MCM3AP: variants seen among roughly 807,000 people sequenced by gnomAD.
MCM3AP encodes the protein germinal-center associated nuclear protein.
Under a neutral mutation model 184.1 loss-of-function variants are expected in MCM3AP, and 126 were observed. The observed-to-expected ratio is 0.68, with a 90% CI of 0.59 to 0.79. MCM3AP has a LOEUF of 0.79. Ranked by LOEUF, MCM3AP falls within the 30% of genes least tolerant of loss-of-function variation. The probability of loss-of-function intolerance (pLI) is 0.00; values close to 1 mark genes in which losing one functional copy is unlikely to be tolerated. For synonymous variants in MCM3AP, 1,002 were observed against 979.3 expected (o/e 1.02, Z -0.43); for missense variants, 2,496 against 2,479.2 (o/e 1.01, Z -0.14).
chr21:46,239,820 TGAG>T (rs1045115605), intron 26 of MCM3AP, among the ~76,000 whole-genome samples: 1 of 150,340 alleles, frequency 6.7e-6, no homozygotes, highest in East Asian at 2.0e-4. Context: ...AGCTGGGGGA[TGAG>T]GAGGAACCAG....
In MCM3AP at chr21:46,243,539, C is replaced by A. The variant is rs749110545; in HGVS notation, c.5222G>T (p.Trp1741Leu). 88 of 1,614,118 alleles carry A rather than the reference C, an allele frequency of 5.5e-5. No individual in the cohort carries two copies. The highest frequency in any genetic ancestry group is 8.5e-6 in the Non-Finnish European group (10 of 1,180,052). Reference sequence around the variant, plus strand: ...GATACACAAGGCGATAAGATCATCCCATGGGATCTCCATGACCGAGGGGCC... The same window carrying A: ...GATACACAAGGCGATAAGATCATCCAATGGGATCTCCATGACCGAGGGGCC... ...GAGPSVMEIP[W>L]DDLIALCINH... is the part of the protein sequence containing the mutation. The change falls in exon 24 of 28, where the codon TGG becomes TTG. Residue 1741 changes from tryptophan (W) to leucine (L), a missense_variant. This residue lies in a region of MCM3AP where 1,323 missense variants were observed against 1,273.4 expected (regional missense o/e 1.04). Transcript: ENST00000291688.
At chr21:46,279,926 G>A (rs957447155) in intron 4 of MCM3AP, 67 bp downstream of exon 4, 4 of 1,490,436 alleles carry the variant, frequency 2.7e-6, no homozygotes, top group African/African-American at 1.4e-5. Context: ...CCCTGACTCA[G>A]GTGTCGCTAT....
At position 46,265,479 on chromosome 21, in the gene MCM3AP, G is replaced by C. The variant is rs577619672; in HGVS notation, c.3076C>G (p.Leu1026Val). 1 of 1,612,882 alleles carries C rather than the reference G, an allele frequency of 6.2e-7. No homozygotes were observed. Among genetic ancestry groups the C allele is most frequent in the Admixed American group, 1.7e-5 (1 of 59,884 alleles). ...EECGVEPDAP[L>V]SSLPQSLPAP... ...GGTAGAGACTGTGGGAGACTGGACAGGGGTGCATCCGGCTCTACACCACAC... is the reference window on the plus strand; with the variant it reads ...GGTAGAGACTGTGGGAGACTGGACACGGGTGCATCCGGCTCTACACCACAC... Residue 1026 changes from leucine (L) to valine (V), a missense_variant, in exon 12 of 28, where the codon CTG (leucine) becomes GTG (valine). This residue lies in a region of MCM3AP where 1,323 missense variants were observed against 1,273.4 expected (regional missense o/e 1.04). Transcript: ENST00000291688.
In MCM3AP at chr21:46,285,098, T is replaced by A. The variant is rs768921115; in HGVS notation, c.189A>T (p.Gly63=). The A allele has an allele frequency of 1.9e-6, 3 of 1,614,170 alleles. No individual in the cohort carries two copies. The highest frequency in any genetic ancestry group is 4.5e-5 in the East Asian group (2 of 44,892). ...TTTGCACTGAAGAGGAATGACTTAC[T>A]CCAGAAGACGCTGGAAAGCTGGATA... is the stretch of plus-strand genomic sequence containing the variant. ...SQVSSFPASS[G]VSHSSSVQTL... is the part of the protein sequence containing the mutation. Residue 63 remains glycine, a synonymous_variant, in exon 1 of 28, where the codon GGA becomes GGT. Coordinates refer to ENST00000291688, the MANE Select transcript of MCM3AP (RefSeq NM_003906.5).
At chr21:46,267,987 AG>A (rs2081135183) in intron 9 of MCM3AP, 1 of 152,246 alleles carries the variant, frequency 6.6e-6, no homozygotes, top group Non-Finnish European at 1.5e-5. Context: ...ACTTGAAGCC[AG>A]GAGTTTGAGA....
rs1347400457 is a variant in MCM3AP at position 46,273,391 on chromosome 21, C to A, written c.2193G>T (p.Arg731=). 2.5e-6 allele frequency: 4 copies of A among 1,613,912 alleles called. No individual in the cohort carries two copies. Residue 731 remains arginine, a synonymous_variant, in exon 7 of 28, where the codon CGG becomes CGT. Coordinates refer to ENST00000291688, the MANE Select transcript of MCM3AP (RefSeq NM_003906.5). ...DFVWNRTRGI[R]KDITQQHLCD... is the part of the protein sequence containing the mutation. The stretch of plus-strand genomic sequence containing the variant: ...CCAGGTTGGAGGCAGCCAATACCTT[C>A]CGTATGCCACGCGTGCGGTTCCACA...
At position 46,236,818 on chromosome 21, in the gene MCM3AP, G is replaced by A. The variant is rs17183368; in HGVS notation, c.5784+11C>T. 62 of 1,526,702 alleles carry A rather than the reference G, an allele frequency of 4.1e-5. No homozygotes were observed. The highest frequency in any genetic ancestry group is 1.7e-4 in the Middle Eastern group (1 of 5,902). The allele number at this position is 1,526,702 out of a possible 1,614,324, so 94.6% of individuals were successfully genotyped here. ...TCTTATGTAAATGCCAAATGTATAC[G>A]TTCTTCTCACCTGTGGGCTAGTAGT... is the stretch of plus-strand genomic sequence containing the variant. On this transcript the variant is annotated intron_variant, in intron 27 of 27. Transcript: ENST00000291688.
chr21:46,283,018 C>T (rs1027975931), intron 2 of MCM3AP, among the ~76,000 whole-genome samples: 3 of 151,544 alleles, frequency 2.0e-5, no homozygotes, highest in East Asian at 2.0e-4. Flanking sequence ...CGCCGCCTCC[C>T]GGATTCAAGC....
In MCM3AP at chr21:46,243,006, C is replaced by A. The variant is rs60691594; in HGVS notation, c.5297-75G>T. ...GTCTCAAAAAAAAAAAAAACACACA[C>A]AAAAAAACAAAAACAGGTACAAATA... On this transcript the variant is annotated intron_variant, in intron 24 of 27. Coordinates refer to ENST00000291688, the MANE Select transcript of MCM3AP (RefSeq NM_003906.5). 386,646 of 1,246,024 alleles carry A rather than the reference C, an allele frequency of 0.31. 66,488 individuals are homozygous for A. Among genetic ancestry groups the A allele is most frequent in the African/African-American group, 0.49 (31,286 of 63,440 alleles). The allele number at this position is 1,246,024 out of a possible 1,614,324, so 77.2% of individuals were successfully genotyped here.
intron 5 of MCM3AP, among the ~76,000 whole-genome samples, chr21:46,276,366 A>T (rs1194312332): frequency 6.6e-6 from 1 of 152,124 alleles, no homozygotes; most frequent in Non-Finnish European, 1.5e-5. Flanking sequence ...TTATTACTAT[A>T]TGTTATTATA....
intron 27 of MCM3AP, among the ~76,000 whole-genome samples, chr21:46,236,480 C>G (rs1021205462): frequency 6.6e-6 from 1 of 152,184 alleles, no homozygotes; most frequent in Non-Finnish European, 1.5e-5. Flanking sequence ...AAATTAATCC[C>G]AGAAGAGAGG....
chr21:46,270,345 C>G (rs774501377), intron 9 of MCM3AP, 56 bp downstream of exon 9: 19 of 1,521,354 alleles, frequency 1.2e-5, no homozygotes, highest in Non-Finnish European at 1.7e-5. Context: ...AGCACCCAAA[C>G]AGCACAAGAA....
At chr21:46,242,996 AAAAC>A (rs2080696199) in intron 24 of MCM3AP, 65 bp from the exon 25 acceptor site, 21 of 1,411,110 alleles carry the variant, frequency 1.5e-5, no homozygotes, top group African/African-American at 4.5e-5. Flanking sequence ...AAAAAAAAAA[AAAAC>A]ACACACAAAA....
chr21:46,266,338 TC>T (rs1215962276), intron 10 of MCM3AP, 172 bp from the exon 11 acceptor site: 16 of 615,006 alleles, frequency 2.6e-5, no homozygotes, highest in Non-Finnish European at 4.1e-5. Flanking sequence ...CCTCTGTAGG[TC>T]CCTAGAACCA....
intron 6 of MCM3AP, among the ~76,000 whole-genome samples, chr21:46,274,938 C>CAAAAAAAA (rs35282554): frequency 1.0e-5 from 1 of 97,030 alleles, no homozygotes; most frequent in Non-Finnish European, 1.9e-5. Context: ...GACCCTGTCT[C>CAAAAAAAA]AAAAAAAAAA....
intron 15 of MCM3AP, among the ~76,000 whole-genome samples, chr21:46,259,830 G>A (rs1220926738): frequency 2.0e-5 from 3 of 151,588 alleles, no homozygotes; most frequent in East Asian, 3.9e-4. Flanking sequence ...GCGTGAACCC[G>A]GGAGGCGGAG....
intron 16 of MCM3AP, among the ~76,000 whole-genome samples, chr21:46,257,719 G>C: frequency 6.6e-6 from 1 of 151,784 alleles, no homozygotes; most frequent in East Asian, 1.9e-4. Context: ...AGGAGTTCGA[G>C]AGCAGCCTGG....
intron 20 of MCM3AP, 79 bp downstream of exon 20, chr21:46,251,450 T>C: frequency 8.1e-7 from 1 of 1,236,264 alleles, no homozygotes; most frequent in Non-Finnish European, 1.1e-6. Context: ...TAAGCAGTAT[T>C]TGCATGGTTC....
At position 46,242,848 on chromosome 21, in the gene MCM3AP, G is replaced by T; in HGVS notation, c.5380C>A (p.Gln1794Lys). The T allele has an allele frequency of 6.2e-7, 1 of 1,613,370 alleles. No homozygotes were observed. Among genetic ancestry groups the T allele is most frequent in the Non-Finnish European group, 8.5e-7 (1 of 1,179,642 alleles). The change falls in exon 25 of 28, where the codon CAA becomes AAA. Residue 1794 changes from glutamine to lysine, a missense_variant. Around this residue, in one of 5 missense-constraint regions of MCM3AP, gnomAD observed 1,323 missense variants for 1,273.4 expected, o/e 1.04. Coordinates refer to ENST00000291688, the MANE Select transcript of MCM3AP (RefSeq NM_003906.5). The stretch of plus-strand genomic sequence containing the variant: ...TCCTTCTGCGTCTGCAACCTGGCTT[G>T]TTCCCACGACAAAGGAACATCATAT... ...KKYDVPLSWEQARLQTQKELQ... is the reference protein window; with the variant it reads ...KKYDVPLSWEKARLQTQKELQ...
Sources: gnomAD v4.1 joint callset for allele counts (sites outside exome capture counted in the v4.1 genomes callset) on GRCh38, gnomAD v4.1.1 for gene constraint, gnomAD v4.1.1 regional missense constraint, MANE v1.5 for transcripts, NCBI Gene and HGNC (gene_info 2026-07-23, HGNC 2026-07-21) for gene names.